The following LOC128706665 variants were observed in gnomAD, a reference collection of about 807,000 sequenced individuals.
chr20:10,423,309 C>T, the LOC128706665 span, among the ~76,000 whole-genome samples: 29 of 151,978 alleles, frequency 1.9e-4, no homozygotes, highest in Non-Finnish European at 2.8e-4. Context: ...GTTCTAGCTG[C>T]GTGGGGGGTG....
the LOC128706665 span, among the ~76,000 whole-genome samples, chr20:10,416,887 A>T: frequency 6.6e-6 from 1 of 152,216 alleles, no homozygotes; most frequent in African/African-American, 2.4e-5. Context: ...ACTGTGTATG[A>T]GTGCTTTTAC....
chr20:10,433,274 G>A, the LOC128706665 span, among the ~76,000 whole-genome samples: 1 of 152,194 alleles, frequency 6.6e-6, no homozygotes, highest in Non-Finnish European at 1.5e-5. Context: ...TAAAGTGCGG[G>A]GTTACAGGGG....
At chr20:10,414,689 A>T in the LOC128706665 span, among the ~76,000 whole-genome samples, 1 of 152,210 alleles carries the variant, frequency 6.6e-6, no homozygotes, top group African/African-American at 2.4e-5. Context: ...GTGCATTTAT[A>T]TCAAGTCATG....
the LOC128706665 span, chr20:10,433,972 T>C: frequency 2.6e-5 from 4 of 152,260 alleles, no homozygotes; most frequent in African/African-American, 9.7e-5. Flanking sequence ...CTCCTCCTTG[T>C]CCCCGCCCTC....
At chr20:10,423,778 T>C in the LOC128706665 span, among the ~76,000 whole-genome samples, 3 of 152,248 alleles carry the variant, frequency 2.0e-5, no homozygotes, top group South Asian at 2.1e-4. Context: ...GATGAATCTT[T>C]TTCTAGATTT....
the LOC128706665 span, among the ~76,000 whole-genome samples, chr20:10,422,201 T>C: frequency 6.6e-6 from 1 of 152,174 alleles, no homozygotes; most frequent in Middle Eastern, 3.2e-3. Context: ...AGGTCTCAAT[T>C]CATATTTTAT....
At chr20:10,426,975 T>C in the LOC128706665 span, among the ~76,000 whole-genome samples, 2 of 150,022 alleles carry the variant, frequency 1.3e-5, no homozygotes, top group South Asian at 4.2e-4. Context: ...TTCTACCTCA[T>C]TATAAATACT....
At chr20:10,433,967 CCTT>C in the LOC128706665 span, 1 of 152,298 alleles carries the variant, frequency 6.6e-6, no homozygotes, top group Non-Finnish European at 1.5e-5. Flanking sequence ...CCAGCCTCCT[CCTT>C]GTCCCCGCCC....
chr20:10,417,002 G>A, the LOC128706665 span, among the ~76,000 whole-genome samples: 1 of 152,078 alleles, frequency 6.6e-6, no homozygotes, highest in South Asian at 2.1e-4. Flanking sequence ...CCAATTTCTA[G>A]GTTACAGCAA....
At chr20:10,429,460 A>C in the LOC128706665 span, among the ~76,000 whole-genome samples, 25 of 152,312 alleles carry the variant, frequency 1.6e-4, no homozygotes, top group Middle Eastern at 0.01. Context: ...TCTCCAGCTT[A>C]GACCCACATA....
the LOC128706665 span, among the ~76,000 whole-genome samples, chr20:10,415,523 T>C: frequency 6.6e-6 from 1 of 152,208 alleles, no homozygotes; most frequent in African/African-American, 2.4e-5. Flanking sequence ...TATTGTCAAC[T>C]TTTGTATGGC....
chr20:10,424,125 A>G, the LOC128706665 span, among the ~76,000 whole-genome samples: 3 of 152,322 alleles, frequency 2.0e-5, no homozygotes, highest in African/African-American at 7.2e-5. Flanking sequence ...TAATTCACAT[A>G]AAAACAATAA....
At chr20:10,413,889 T>A in the LOC128706665 span, 1 of 422,730 alleles carries the variant, frequency 2.4e-6, no homozygotes, top group African/African-American at 2.0e-5. Context: ...ATTTTTCATC[T>A]CTTCTTTCGA....
the LOC128706665 span, among the ~76,000 whole-genome samples, chr20:10,414,118 C>T: frequency 6.6e-6 from 1 of 152,264 alleles, no homozygotes; most frequent in East Asian, 1.9e-4. Context: ...TTCAATAAAT[C>T]CCCTCTACAA....
At chr20:10,419,795 G>A in the LOC128706665 span, among the ~76,000 whole-genome samples, 2 of 152,082 alleles carry the variant, frequency 1.3e-5, no homozygotes, top group African/African-American at 4.8e-5. Flanking sequence ...GAATATCCCA[G>A]GATTTCATCA....
chr20:10,420,467 T>C, the LOC128706665 span: 1 of 152,220 alleles, frequency 6.6e-6, no homozygotes, highest in Non-Finnish European at 1.5e-5. Flanking sequence ...ATCTAAAAGA[T>C]TGAGTTTCCC....
chr20:10,427,649 T>C, the LOC128706665 span, among the ~76,000 whole-genome samples: 978 of 152,370 alleles, frequency 6.4e-3, 9 homozygotes, highest in African/African-American at 0.022. Context: ...TAGAAAAGAC[T>C]GCACGTGGTC....
At chr20:10,423,229 AGGCAACGT>A in the LOC128706665 span, among the ~76,000 whole-genome samples, 1 of 152,082 alleles carries the variant, frequency 6.6e-6, no homozygotes, top group Non-Finnish European at 1.5e-5. Flanking sequence ...ACTTGAGCCT[AGGCAACGT>A]GGCAAAACCC....
At chr20:10,425,049 G>A in the LOC128706665 span, among the ~76,000 whole-genome samples, 4 of 139,058 alleles carry the variant, frequency 2.9e-5, no homozygotes, top group Non-Finnish European at 4.6e-5. Context: ...GCTAAACTCC[G>A]TCTCAAAAAA....
Sources: allele counts gnomAD v4.1 joint callset (sites outside exome capture counted in the v4.1 genomes callset), GRCh38; gene constraint gnomAD v4.1.1; transcripts MANE v1.5.